The following SMOC2 variants were observed in gnomAD, a reference collection of about 807,000 sequenced individuals.
SMOC2 encodes the protein SPARC related modular calcium binding 2.
SMOC2 carries 39 observed loss-of-function variants against 61.4 expected under a neutral mutation model. The ratio of observed to expected loss-of-function variants is 0.64; its 90% confidence interval spans 0.49 to 0.83. The LOEUF is 0.83. Ranked by LOEUF, SMOC2 falls within the 40% of genes least tolerant of loss-of-function variation. The pLI is 0.00. For missense variants in SMOC2, 556 were observed against 592.9 expected, an observed-to-expected ratio of 0.94 and a Z score of 0.65; for synonymous variants, 247 against 239.9, an observed-to-expected ratio of 1.03 and a Z score of -0.27.
intron 7 of SMOC2, among the ~76,000 whole-genome samples, chr6:168,581,389 C>G (rs1392647136): frequency 6.6e-6 from 1 of 152,180 alleles, no homozygotes; most frequent in Non-Finnish European, 1.5e-5. Context: ...TATCTGGAAA[C>G]TTGTTAGACA....
At chr6:168,508,853 C>T (rs1386576698) in intron 1 of SMOC2, among the ~76,000 whole-genome samples, 2 of 152,192 alleles carry the variant, frequency 1.3e-5, no homozygotes, top group Non-Finnish European at 2.9e-5. Flanking sequence ...CAGCTCTGCG[C>T]GTTTCTTTCT....
At chr6:168,516,975 GATGAGGTTT>G (rs1462651922) in intron 2 of SMOC2, among the ~76,000 whole-genome samples, 1 of 152,154 alleles carries the variant, frequency 6.6e-6, no homozygotes, top group Non-Finnish European at 1.5e-5. Flanking sequence ...TTACTGCCAC[GATGAGGTTT>G]AGAGACTGTT....
chr6:168,540,156 G>A (rs907294418), intron 4 of SMOC2, among the ~76,000 whole-genome samples: 6 of 152,334 alleles, frequency 3.9e-5, no homozygotes, highest in African/African-American at 7.2e-5. Context: ...GTAGTGCTGC[G>A]TCCCTGCCGT....
chr6:168,460,071 T>C (rs1781686929), intron 1 of SMOC2, among the ~76,000 whole-genome samples: 1 of 152,218 alleles, frequency 6.6e-6, no homozygotes, highest in South Asian at 2.1e-4. Context: ...TTTACTTTAT[T>C]GTAAACAGGA....
intron 9 of SMOC2, among the ~76,000 whole-genome samples, chr6:168,648,861 G>T (rs1340292523): frequency 2.0e-5 from 3 of 152,162 alleles, no homozygotes; most frequent in African/African-American, 7.2e-5. Context: ...GTGTCAAAAA[G>T]AAACCTAGGA....
intron 1 of SMOC2, among the ~76,000 whole-genome samples, chr6:168,474,164 C>A (rs1782028317): frequency 6.6e-6 from 1 of 152,094 alleles, no homozygotes; most frequent in South Asian, 2.1e-4. Context: ...GAGGAAAGCC[C>A]CCTGGGGAAG....
chr6:168,636,954 C>T (rs1035117095), intron 9 of SMOC2, among the ~76,000 whole-genome samples: 18 of 125,628 alleles, frequency 1.4e-4, no homozygotes, highest in Non-Finnish European at 2.0e-4. Context: ...CTTCCCTCCT[C>T]TTTCCTCCCT....
At chr6:168,621,710 AGATCTCAC>A (rs55756212) in intron 9 of SMOC2, among the ~76,000 whole-genome samples, 82,262 of 151,002 alleles carry the variant, frequency 0.54, 22,497 homozygotes, top group Admixed American at 0.61. Flanking sequence ...TAAAACCATC[AGATCTCAC>A]GATCTCACGC....
chr6:168,459,594 G>A (rs1224469088), intron 1 of SMOC2, among the ~76,000 whole-genome samples: 1 of 141,154 alleles, frequency 7.1e-6, no homozygotes, highest in East Asian at 2.3e-4. Context: ...GCCCTGGGGT[G>A]GGTGAGCACT....
chr6:168,619,486 CTATT>C (rs1786191402), intron 9 of SMOC2, among the ~76,000 whole-genome samples: 1 of 152,224 alleles, frequency 6.6e-6, no homozygotes, highest in South Asian at 2.1e-4. Flanking sequence ...ATTCCTAACT[CTATT>C]AAAGCAGTTT....
intron 9 of SMOC2, among the ~76,000 whole-genome samples, chr6:168,622,576 T>G (rs529428682): frequency 1.6e-4 from 25 of 152,222 alleles, no homozygotes; most frequent in African/African-American, 5.8e-4. Flanking sequence ...CTAGAGTCCA[T>G]GTGTGCTCGG....
Position 168,535,567 on chromosome 6 carries a change from G to C in SMOC2, c.463+7840G>C, listed in dbSNP as rs9456172. On this transcript the variant is annotated intron_variant, in intron 4 of 12. Transcript: ENST00000356284. The surrounding 1 kb of genome is among the most constrained non-coding windows in gnomAD (Gnocchi z 4.6). ...AAATCAGGAATCCCAACTGTTTAAA[G>C]GCAGAATCACTAGGATAGAAAAAGA... Among the ~76,000 whole-genome samples, 991 of 152,218 alleles carry C rather than the reference G, an allele frequency of 6.5e-3. 6 individuals are homozygous for C. Among genetic ancestry groups the C allele is most frequent in the South Asian group, 0.028 (133 of 4,812 alleles).
intron 1 of SMOC2, among the ~76,000 whole-genome samples, chr6:168,477,312 G>T (rs935670986): frequency 7.9e-5 from 12 of 152,188 alleles, no homozygotes; most frequent in Non-Finnish European, 1.5e-4. Flanking sequence ...ACACTGGCTG[G>T]CCCTGATGCA....
At position 168,652,985 on chromosome 6, in the gene SMOC2, G is replaced by A; in HGVS notation, c.1042G>A (p.Glu348Lys). The change falls in exon 11 of 13, where the codon GAG becomes AAG. Residue 348 changes from glutamate to lysine, a missense_variant. By Grantham distance (56) the Glu-to-Lys change is moderately conservative. Coordinates refer to ENST00000356284, the MANE Select transcript of SMOC2 (RefSeq NM_001166412.2). ...AGAACCCGACCCCAGCCATACCCTA[G>A]AGGAGCGGGTGGTGCACTGGTACTT... ...LSEPDPSHTLEERVVHWYFKL... is the reference protein window; with the variant it reads ...LSEPDPSHTLKERVVHWYFKL... 1 of 1,613,978 alleles carries A rather than the reference G, an allele frequency of 6.2e-7. No homozygotes were observed. The highest frequency in any genetic ancestry group is 8.5e-7 in the Non-Finnish European group (1 of 1,179,966).
At chr6:168,494,893 C>A (rs571521822) in intron 1 of SMOC2, among the ~76,000 whole-genome samples, 1 of 152,322 alleles carries the variant, frequency 6.6e-6, no homozygotes, top group East Asian at 1.9e-4. Flanking sequence ...GATGGACCAT[C>A]CTGGCTGAGG....
At chr6:168,469,918 CAAT>C (rs1487247416) in intron 1 of SMOC2, among the ~76,000 whole-genome samples, 1 of 152,206 alleles carries the variant, frequency 6.6e-6, no homozygotes, top group African/African-American at 2.4e-5. Flanking sequence ...AAATTAGAAA[CAAT>C]AATTTTCTCT....
At chr6:168,636,056 G>A (rs974190645) in intron 9 of SMOC2, among the ~76,000 whole-genome samples, 1 of 152,120 alleles carries the variant, frequency 6.6e-6, no homozygotes, top group African/African-American at 2.4e-5. Context: ...AGGAGGAATA[G>A]CATGTCTGTT....
Position 168,653,037 on chromosome 6 carries a change from G to A in SMOC2, c.1094G>A (p.Gly365Glu). The A allele has an allele frequency of 1.9e-6, 3 of 1,614,152 alleles. No homozygotes were observed. The highest frequency in any genetic ancestry group is 2.5e-6 in the Non-Finnish European group (3 of 1,180,030). The change falls in exon 11 of 13, where the codon GGA becomes GAA. Residue 365 changes from glycine to glutamate, a missense_variant. Transcript: ENST00000356284. ...AAACTACTGGATAAAAACTCCAGTGGAGACATCGGCAAAAAGGAAATCAAA... is the reference window on the plus strand; with the variant it reads ...AAACTACTGGATAAAAACTCCAGTGAAGACATCGGCAAAAAGGAAATCAAA... ...YFKLLDKNSSGDIGKKEIKPF... is the reference protein window; with the variant it reads ...YFKLLDKNSSEDIGKKEIKPF...
At chr6:168,468,849 A>G (rs1781903206) in intron 1 of SMOC2, among the ~76,000 whole-genome samples, 1 of 152,332 alleles carries the variant, frequency 6.6e-6, no homozygotes, top group Non-Finnish European at 1.5e-5. Context: ...TGAAGGTTTT[A>G]TTTGTAAAGC....
Sources: gnomAD v4.1 joint callset for allele counts (sites outside exome capture counted in the v4.1 genomes callset) on GRCh38, gnomAD v4.1.1 for gene constraint, Gnocchi (gnomAD v3.1) non-coding constraint, MANE v1.5 for transcripts, NCBI Gene and HGNC (gene_info 2026-07-23, HGNC 2026-07-21) for gene names.